Variants in KAZN observed in about 807,000 individuals in gnomAD.
KAZN encodes kazrin, periplakin interacting protein, also known as kazrin.
A neutral mutation model predicts 87.4 loss-of-function variants in KAZN; 40 were observed. The observed-to-expected ratio is 0.46, with a 90% CI of 0.36 to 0.60. The LOEUF (loss-of-function observed/expected upper bound fraction) is 0.60, where lower values mean the gene tolerates loss of function less well. KAZN is among the 20% of genes least tolerant of loss of function. The probability of loss-of-function intolerance (pLI) is 0.00; values close to 1 mark genes in which losing one functional copy is unlikely to be tolerated. For missense variants in KAZN, 898 were observed against 1,073.9 expected (o/e 0.84, Z 2.29); for synonymous variants, 466 against 458.3 (o/e 1.02, Z -0.22).
At chr1:14,621,416 C>T (rs916284164) in intron 1 of KAZN, among the ~76,000 whole-genome samples, 2 of 152,178 alleles carry the variant, frequency 1.3e-5, no homozygotes, top group East Asian at 1.9e-4. Context: ...TTCTGCTGTG[C>T]CTTTTAATGA....
chr1:14,434,278 C>T (rs568172854), intron 2 of KAZN, among the ~76,000 whole-genome samples: 8 of 152,346 alleles, frequency 5.3e-5, no homozygotes, highest in African/African-American at 1.9e-4. Context: ...CCTCCGCCCC[C>T]TCCCTTCTCT....
intron 1 of KAZN, among the ~76,000 whole-genome samples, chr1:14,782,822 G>T (rs991072395): frequency 1.3e-5 from 2 of 152,066 alleles, no homozygotes; most frequent in Non-Finnish European, 2.9e-5. Context: ...CAGGGTAGAG[G>T]CATCCCCCCA....
intron 2 of KAZN, among the ~76,000 whole-genome samples, chr1:14,441,768 T>C (rs1666720017): frequency 6.6e-6 from 1 of 152,192 alleles, no homozygotes; most frequent in Non-Finnish European, 1.5e-5. Flanking sequence ...AATAATGGTG[T>C]ATGCTCACAT....
intron 2 of KAZN, among the ~76,000 whole-genome samples, chr1:14,227,475 C>G (rs1445278098): frequency 2.0e-5 from 3 of 152,140 alleles, no homozygotes; most frequent in Non-Finnish European, 4.4e-5. Flanking sequence ...GCAGACAGGA[C>G]TCACTGTAGG....
intron 8 of KAZN, among the ~76,000 whole-genome samples, chr1:15,091,468 TG>T (rs1422104279): frequency 6.6e-6 from 1 of 152,070 alleles, no homozygotes; most frequent in Non-Finnish European, 1.5e-5. Flanking sequence ...CCTCAGCCTC[TG>T]GAGTAGCTGG....
chr1:14,324,696 G>GTTATTACTCATTTATCT (rs1656282194), intron 2 of KAZN, among the ~76,000 whole-genome samples: 1 of 152,018 alleles, frequency 6.6e-6, no homozygotes, highest in Non-Finnish European at 1.5e-5. Flanking sequence ...ATCTCAACTC[G>GTTATTACTCATTTATCT]CACTACTGTT....
chr1:14,760,271 G>C (rs1003530), intron 1 of KAZN, among the ~76,000 whole-genome samples: 87,218 of 151,894 alleles, frequency 0.57, 25,529 homozygotes, highest in African/African-American at 0.63. Context: ...TCTGAGAAAC[G>C]CCCCCAAGAT....
intron 1 of KAZN, among the ~76,000 whole-genome samples, chr1:14,889,646 C>T (rs1007604615): frequency 6.6e-6 from 1 of 152,218 alleles, no homozygotes; most frequent in Non-Finnish European, 1.5e-5. Context: ...TAATTCCTGT[C>T]CAGCTTTCTC....
intron 1 of KAZN, among the ~76,000 whole-genome samples, chr1:14,105,941 C>A (rs1644364354): frequency 6.6e-6 from 1 of 152,224 alleles, no homozygotes; most frequent in Non-Finnish European, 1.5e-5. Context: ...TAAATGACCT[C>A]TTTTCTGCAT....
At chr1:14,084,601 C>T (rs889426623) in intron 1 of KAZN, among the ~76,000 whole-genome samples, 2 of 151,702 alleles carry the variant, frequency 1.3e-5, no homozygotes, top group Admixed American at 1.3e-4. Context: ...GCAGTTTGCT[C>T]CAATATAATA....
At chr1:14,986,002 CAAAAAAAAAAAAA>C (rs56725513) in intron 2 of KAZN, among the ~76,000 whole-genome samples, 3 of 56,740 alleles carry the variant, frequency 5.3e-5, no homozygotes, top group East Asian at 4.7e-4. Flanking sequence ...GACTCTGTCT[CAAAAAAAAAAAAA>C]AAAAAAAAAG....
chr1:14,077,121 G>A (rs1029937206), intron 1 of KAZN, among the ~76,000 whole-genome samples: 3 of 152,136 alleles, frequency 2.0e-5, no homozygotes, highest in Non-Finnish European at 4.4e-5. Context: ...TTGCCAGGAA[G>A]GTTCTCAGTT....
At chr1:14,243,856 T>G (rs553101966) in intron 2 of KAZN, among the ~76,000 whole-genome samples, 56 of 152,230 alleles carry the variant, frequency 3.7e-4, no homozygotes, top group Non-Finnish European at 1.6e-4. Flanking sequence ...TCAGACTAGA[T>G]GGGATACAGA....
chr1:14,180,453 C>A, exon 2 of KAZN: 2 of 1,550,238 alleles, frequency 1.3e-6, no homozygotes, highest in Non-Finnish European at 1.7e-6. Flanking sequence ...TCATTGCACA[C>A]CCTCAATGAC....
intron 1 of KAZN, among the ~76,000 whole-genome samples, chr1:14,954,816 C>T (rs1662889236): frequency 6.6e-6 from 1 of 152,094 alleles, no homozygotes; most frequent in Non-Finnish European, 1.5e-5. Context: ...ATTAGCTGGG[C>T]GTGGTGGCAG....
intron 1 of KAZN, among the ~76,000 whole-genome samples, chr1:14,778,394 A>C (rs1298593759): frequency 1.1e-4 from 1 of 9,158 alleles, no homozygotes; most frequent in Non-Finnish European, 2.2e-4. Flanking sequence ...AACCCTTAAG[A>C]AAAAAAAAAA....
intron 1 of KAZN, among the ~76,000 whole-genome samples, chr1:14,687,606 G>A (rs955468926): frequency 7.9e-5 from 12 of 152,186 alleles, no homozygotes; most frequent in African/African-American, 2.7e-4. Context: ...GACACAAGGG[G>A]GGAGGATAAG....
At chr1:14,417,993 C>CAAAAAAAAAAAAAAAAAAA (rs58803467) in intron 2 of KAZN, among the ~76,000 whole-genome samples, 1 of 33,814 alleles carries the variant, frequency 3.0e-5, no homozygotes, top group Non-Finnish European at 5.4e-5. Flanking sequence ...GAGACTGCCT[C>CAAAAAAAAAAAAAAAAAAA]AAAAAAAAAA....
At chr1:14,840,619 G>A (rs894735767) in intron 1 of KAZN, among the ~76,000 whole-genome samples, 11 of 152,338 alleles carry the variant, frequency 7.2e-5, no homozygotes, top group African/African-American at 2.6e-4. Context: ...GCCATTTGGC[G>A]ATAAGCTGCC....
Sources: allele counts gnomAD v4.1 joint callset (sites outside exome capture counted in the v4.1 genomes callset), GRCh38; gene constraint gnomAD v4.1.1; transcripts MANE v1.5; gene names NCBI Gene and HGNC (gene_info 2026-07-23, HGNC 2026-07-21).